Variants in ITPK1 observed in about 807,000 individuals in gnomAD.
ITPK1 encodes inositol 1,3,4-trisphosphate 5/6-kinase.
ITPK1 carries 21 observed loss-of-function variants against 45.3 expected under a neutral mutation model. That is an observed-to-expected ratio of 0.46 (90% CI 0.33 to 0.67). ITPK1 has a LOEUF of 0.67. Among genes scored for constraint, ITPK1 ranks in the 30% least tolerant of loss-of-function variants. ITPK1 has a pLI of 0.02. For synonymous variants in ITPK1, 258 were observed against 253.6 expected (o/e 1.02, Z -0.16); for missense variants, 474 against 573.5 (o/e 0.83, Z 1.77).
chr14:93,086,717 G>T (rs906777387), intron 2 of ITPK1, among the ~76,000 whole-genome samples: 1 of 152,244 alleles, frequency 6.6e-6, no homozygotes, highest in Non-Finnish European at 1.5e-5. Flanking sequence ...CTGGAGGGGA[G>T]GGAGAGGGAG....
intron 3 of ITPK1, among the ~76,000 whole-genome samples, chr14:93,072,794 A>T (rs1373964455): frequency 3.9e-5 from 6 of 152,122 alleles, no homozygotes; most frequent in African/African-American, 9.7e-5. Context: ...TTGGGGGGGA[A>T]CCCTCAGACG....
intron 2 of ITPK1, among the ~76,000 whole-genome samples, chr14:93,104,865 G>A (rs779844100): frequency 4.3e-4 from 63 of 147,088 alleles, no homozygotes; most frequent in Middle Eastern, 3.4e-3. Flanking sequence ...CTCCAAGAGC[G>A]CCCAGAGTGA....
At chr14:92,988,412 C>G (rs1000036731) in intron 5 of ITPK1, among the ~76,000 whole-genome samples, 1 of 152,194 alleles carries the variant, frequency 6.6e-6, no homozygotes, top group Non-Finnish European at 1.5e-5. Flanking sequence ...GCCCAGCCCC[C>G]CGAGGGGCTA....
rs1402326347 is a variant in ITPK1 at position 93,004,505 on chromosome 14, G to A, written c.247-10508C>T. ...CCCAGACAGTACGAGAGCAGAAAGA[G>A]TGACAGCCTCTGAGAAGCACGTGTA... On this transcript the variant is annotated intron_variant, in intron 4 of 10. Transcript: ENST00000267615. 5.3e-5 allele frequency among the ~76,000 whole-genome samples: 8 copies of A among 152,318 alleles called. No individual in the cohort carries two copies. In the East Asian group the frequency reaches 1.3e-3, roughly 26 times the overall value.
rs1264896827 is a variant in ITPK1 at position 93,014,814 on chromosome 14, G to A, written c.246+1862C>T. Among the ~76,000 whole-genome samples, 1 of 152,270 alleles carries A rather than the reference G, an allele frequency of 6.6e-6. No homozygotes were observed. The highest frequency in any genetic ancestry group is 1.5e-5 in the Non-Finnish European group (1 of 68,054). On this transcript the variant is annotated intron_variant, in intron 4 of 10. Coordinates refer to ENST00000267615, the MANE Select transcript of ITPK1 (RefSeq NM_014216.6). This position sits in a 1 kb window ranked among gnomAD's most constrained non-coding sequence, Gnocchi z 4.4. ...TGGGAGCAAGTGGGTCAACCGCCATGAAGCGCTTTCGAGCAGGGCTTGGTA... is the reference window on the plus strand; with the variant it reads ...TGGGAGCAAGTGGGTCAACCGCCATAAAGCGCTTTCGAGCAGGGCTTGGTA...
chr14:93,082,595 G>C, intron 2 of ITPK1, among the ~76,000 whole-genome samples: 1 of 152,338 alleles, frequency 6.6e-6, no homozygotes. Flanking sequence ...ACTCTGCCCT[G>C]CCACCCTGCC....
chr14:93,083,938 C>T (rs780316457), intron 2 of ITPK1, among the ~76,000 whole-genome samples: 2 of 152,170 alleles, frequency 1.3e-5, no homozygotes, highest in Non-Finnish European at 2.9e-5. Context: ...GGCTAATGCT[C>T]GGTGGTGAAC....
intron 10 of ITPK1, among the ~76,000 whole-genome samples, chr14:92,944,222 G>A (rs1389805006): frequency 6.6e-6 from 1 of 152,122 alleles, no homozygotes; most frequent in African/African-American, 2.4e-5. Flanking sequence ...CCTGTGGGGT[G>A]CAGGAGAACA....
intron 4 of ITPK1, among the ~76,000 whole-genome samples, chr14:93,015,551 C>A (rs77671431): frequency 4.1e-4 from 63 of 152,388 alleles, no homozygotes; most frequent in Admixed American, 1.4e-3. Flanking sequence ...TTCCCACAGT[C>A]TCCAGTCCGA....
chr14:93,042,659 C>A (rs1443806801), intron 3 of ITPK1, among the ~76,000 whole-genome samples: 1 of 152,122 alleles, frequency 6.6e-6, no homozygotes, highest in African/African-American at 2.4e-5. Context: ...GGCTGCAGCG[C>A]TCAGAGGGAG....
In ITPK1 at chr14:92,940,566, G is replaced by A. The variant is rs201975599; in HGVS notation, c.*995C>T. 3 of 1,182,896 alleles carry A rather than the reference G, an allele frequency of 2.5e-6. No homozygotes were observed. The highest frequency in any genetic ancestry group is 2.1e-6 in the Non-Finnish European group (2 of 938,162). The allele number at this position is 1,182,896 out of a possible 1,614,324, so 73.3% of individuals were successfully genotyped here. ...GGTGTGAAAAGGAGTGAACCCACTGGGAAGAGGGCCCCGATCTCCATGGTG... is the reference window on the plus strand; with the variant it reads ...GGTGTGAAAAGGAGTGAACCCACTGAGAAGAGGGCCCCGATCTCCATGGTG... On this transcript the variant is annotated 3_prime_UTR_variant, in exon 11 of 11. Transcript: ENST00000267615.
At position 93,032,877 on chromosome 14, in the gene ITPK1, A is replaced by G. The variant is rs1369570027; in HGVS notation, c.121-16076T>C. On this transcript the variant is annotated intron_variant, in intron 3 of 10. Coordinates refer to ENST00000267615, the MANE Select transcript of ITPK1 (RefSeq NM_014216.6). This position sits in a 1 kb window ranked among gnomAD's most constrained non-coding sequence, Gnocchi z 4.0. Reference sequence around the variant, plus strand: ...GGTGACAAAGGCCAGCACGGATCGGATCGTGCACCCTGCAAAGCCAGCCCT... The same window carrying G: ...GGTGACAAAGGCCAGCACGGATCGGGTCGTGCACCCTGCAAAGCCAGCCCT... Among the ~76,000 whole-genome samples, 3 of 152,178 alleles carry G rather than the reference A, an allele frequency of 2.0e-5. No homozygotes were observed. The highest frequency in any genetic ancestry group is 6.5e-5 in the Admixed American group (1 of 15,282).
chr14:92,971,238 G>A (rs1385342891), intron 5 of ITPK1, among the ~76,000 whole-genome samples: 1 of 152,224 alleles, frequency 6.6e-6, no homozygotes, highest in East Asian at 1.9e-4. Context: ...GGCTGTCTGG[G>A]TTTTAATCCT....
chr14:92,980,511 A>AC (rs928403169), intron 5 of ITPK1, among the ~76,000 whole-genome samples: 1 of 152,070 alleles, frequency 6.6e-6, no homozygotes, highest in Admixed American at 6.5e-5. Flanking sequence ...GGCCTTTCTT[A>AC]CCTGCCTGGC....
At chr14:93,010,340 G>A (rs1887829274) in intron 4 of ITPK1, among the ~76,000 whole-genome samples, 1 of 152,200 alleles carries the variant, frequency 6.6e-6, no homozygotes, top group African/African-American at 2.4e-5. Context: ...TAAACATCAG[G>A]GGCCAACAGG....
intron 10 of ITPK1, among the ~76,000 whole-genome samples, chr14:92,945,110 T>C (rs1381281480): frequency 2.0e-5 from 3 of 152,140 alleles, no homozygotes; most frequent in African/African-American, 7.2e-5. Context: ...CTCCGCCTCC[T>C]CCAGACAGGG....
chr14:93,007,426 A>G (rs1045310762), intron 4 of ITPK1, among the ~76,000 whole-genome samples: 1 of 124,414 alleles, frequency 8.0e-6, no homozygotes, highest in Non-Finnish European at 1.6e-5. Context: ...CTGGCAGCCC[A>G]TGGGCTCCCC....
At chr14:93,044,350 C>CG (rs1889689581) in intron 3 of ITPK1, among the ~76,000 whole-genome samples, 1 of 151,886 alleles carries the variant, frequency 6.6e-6, no homozygotes, top group Non-Finnish European at 1.5e-5. Context: ...CAACCCCCTC[C>CG]GCAGAGATAG....
chr14:92,967,628 T>A (rs1206356572), intron 5 of ITPK1, among the ~76,000 whole-genome samples: 1 of 152,190 alleles, frequency 6.6e-6, no homozygotes, highest in Non-Finnish European at 1.5e-5. Context: ...GCATTACTCA[T>A]CATAGTCCAA....
Sources: allele counts gnomAD v4.1 joint callset (sites outside exome capture counted in the v4.1 genomes callset), GRCh38; gene constraint gnomAD v4.1.1; non-coding constraint Gnocchi (gnomAD v3.1); transcripts MANE v1.5; gene names NCBI Gene and HGNC (gene_info 2026-07-23, HGNC 2026-07-21).